KIF11: variants seen among roughly 807,000 people sequenced by gnomAD.
The protein encoded by KIF11 is kinesin family member 11.
Under a neutral mutation model 121.0 loss-of-function variants are expected in KIF11, and 9 were observed. The ratio of observed to expected loss-of-function variants is 0.07; its 90% CI spans 0.04 to 0.13. The LOEUF (loss-of-function observed/expected upper bound fraction) is 0.13, where lower values mean the gene tolerates loss of function less well. Ranked by LOEUF, KIF11 falls within the 10% of genes least tolerant of loss-of-function variation. The probability of loss-of-function intolerance (pLI) is 1.00; values close to 1 mark genes in which losing one functional copy is unlikely to be tolerated. For missense variants in KIF11, 846 were observed against 1,217.5 expected (o/e 0.69, Z 4.54); for synonymous variants, 408 against 421.0 (o/e 0.97, Z 0.38).
Position 92,609,124 on chromosome 10 carries a change from T to C in KIF11, c.492T>C (p.Tyr164=), listed in dbSNP as rs1564705107. The change falls in exon 5 of 22, where the codon TAT becomes TAC. Residue 164 remains tyrosine, a synonymous_variant. Coordinates refer to ENST00000260731, the MANE Select transcript of KIF11 (RefSeq NM_004523.4). ...TCAAAGTGTCTCTGTTGGAGATCTA[T>C]AATGAAGAGCTTTTTGATCTTCTTA... The part of the protein sequence containing the change: ...FSVKVSLLEI[Y]NEELFDLLNP... The C allele has an allele frequency of 6.2e-7, 1 of 1,607,146 alleles. No homozygotes were observed. The highest frequency in any genetic ancestry group is 8.5e-7 in the Non-Finnish European group (1 of 1,176,338).
At chr10:92,638,970 A>G (rs1844836657) in intron 16 of KIF11, among the ~76,000 whole-genome samples, 1 of 152,216 alleles carries the variant, frequency 6.6e-6, no homozygotes, top group South Asian at 2.1e-4. Flanking sequence ...GTAGCATGTT[A>G]TATGCCTATA....
chr10:92,612,707 A>C (rs1486055706), intron 6 of KIF11, among the ~76,000 whole-genome samples: 3 of 152,196 alleles, frequency 2.0e-5, no homozygotes, highest in Non-Finnish European at 4.4e-5. Context: ...GGTTCTTATG[A>C]ATAGAAGATG....
In KIF11 at chr10:92,653,776, C is replaced by G; in HGVS notation, c.3151C>G (p.Arg1051Gly). 6.2e-7 allele frequency: 1 copy of G among 1,613,350 alleles called. No individual in the cohort carries two copies. The highest frequency in any genetic ancestry group is 8.5e-7 in the Non-Finnish European group (1 of 1,179,728). ...GGTTACAAAGAGCAGATTACCTCTG[C>G]GAGCCCAGATCAACCTTTAATTCAC... ...HLVTKSRLPL[R>G]AQINL The change falls in exon 22 of 22, where the codon CGA becomes GGA. Residue 1051 changes from arginine to glycine, a missense_variant. Coordinates refer to ENST00000260731, the MANE Select transcript of KIF11 (RefSeq NM_004523.4).
chr10:92,648,625 T>C (rs962418979), intron 19 of KIF11, among the ~76,000 whole-genome samples, 191 bp downstream of exon 19: 9 of 152,208 alleles, frequency 5.9e-5, no homozygotes, highest in African/African-American at 2.2e-4. Context: ...ACAGGTGGTA[T>C]CACAATTCAG....
chr10:92,598,117 GT>G (rs1444960128), intron 1 of KIF11, among the ~76,000 whole-genome samples: 2 of 152,092 alleles, frequency 1.3e-5, no homozygotes, highest in Non-Finnish European at 2.9e-5. Flanking sequence ...AGTCCAGTTT[GT>G]CTTTTTGTTT....
intron 11 of KIF11, 131 bp from the exon 12 acceptor site, chr10:92,630,043 CAT>C (rs1345214792): frequency 1.8e-6 from 1 of 556,180 alleles, no homozygotes; most frequent in South Asian, 2.6e-5. Flanking sequence ...AACAGGATGA[CAT>C]ATTTGTGTTA....
At chr10:92,600,263 A>G (rs1020120726) in intron 1 of KIF11, among the ~76,000 whole-genome samples, 1 of 152,054 alleles carries the variant, frequency 6.6e-6, no homozygotes, top group Non-Finnish European at 1.5e-5. Flanking sequence ...TCGGCCTCCC[A>G]AAGTGTTGGG....
At chr10:92,640,499 T>G (rs964925422) in intron 17 of KIF11, among the ~76,000 whole-genome samples, 1 of 152,238 alleles carries the variant, frequency 6.6e-6, no homozygotes, top group African/African-American at 2.4e-5. Context: ...TGGAGTGATC[T>G]CAGCTCACTG....
At chr10:92,637,053 AGAATGG>A (rs1844811147) in intron 14 of KIF11, 125 bp from the exon 15 acceptor site, 1 of 659,206 alleles carries the variant, frequency 1.5e-6, no homozygotes, top group Non-Finnish European at 2.3e-6. Flanking sequence ...AAAAAAAAAA[AGAATGG>A]AGAATGGAAA....
At chr10:92,648,860 G>A (rs1844949805) in intron 19 of KIF11, among the ~76,000 whole-genome samples, 1 of 152,130 alleles carries the variant, frequency 6.6e-6, no homozygotes, top group African/African-American at 2.4e-5. Flanking sequence ...CCTGTTTTAA[G>A]AGATCAGGGA....
At chr10:92,636,758 C>T (rs949092523) in intron 14 of KIF11, among the ~76,000 whole-genome samples, 2 of 151,320 alleles carry the variant, frequency 1.3e-5, no homozygotes, top group African/African-American at 4.9e-5. Flanking sequence ...TGGGGCCGGG[C>T]GCGGTGGCTC....
intron 12 of KIF11, among the ~76,000 whole-genome samples, chr10:92,631,487 G>A (rs1350780479): frequency 2.1e-5 from 3 of 145,886 alleles, no homozygotes; most frequent in East Asian, 2.1e-4. Context: ...TCAGCCTCCC[G>A]AGTAGCTGGG....
chr10:92,616,281 T>C (rs975110421), intron 8 of KIF11, among the ~76,000 whole-genome samples: 1 of 151,584 alleles, frequency 6.6e-6, no homozygotes, highest in Non-Finnish European at 1.5e-5. Flanking sequence ...CACTGTAACC[T>C]CAACCTCCTG....
rs573124430 is a variant in KIF11 at position 92,655,357 on chromosome 10, C to T, written c.*1561C>T. The T allele has an allele frequency of 9.2e-5, 14 of 152,304 alleles. No individual in the cohort carries two copies. The South Asian group carries it at 1.7e-3, about 18-fold the overall frequency. The allele number at this position is 152,304 out of a possible 1,614,324, so 9.4% of individuals were successfully genotyped here. A position where few individuals can be genotyped will look rare whatever the true frequency, so the allele number is the denominator to read the frequency against. On this transcript the variant is annotated 3_prime_UTR_variant, in exon 22 of 22. Coordinates refer to ENST00000260731, the MANE Select transcript of KIF11 (RefSeq NM_004523.4). Reference sequence around the variant, plus strand: ...TGGATAATACCTAATAAACTGCCCTCAGTAAATCCATGGTTAATAAATGTG... The same window carrying T: ...TGGATAATACCTAATAAACTGCCCTTAGTAAATCCATGGTTAATAAATGTG...
intron 9 of KIF11, among the ~76,000 whole-genome samples, chr10:92,620,078 CTTTTTTTTTT>C (rs1270524883): frequency 8.0e-6 from 1 of 125,494 alleles, no homozygotes; most frequent in Non-Finnish European, 1.7e-5. Context: ...GGTTCTTTGT[CTTTTTTTTTT>C]TTTTTTTTTT....
rs1589610522 is a variant in KIF11, at chr10:92,653,721, G to A, written c.3096G>A (p.Arg1032=). The change falls in exon 22 of 22, where the codon AGG becomes AGA. Residue 1032 remains arginine (R), a synonymous_variant. Transcript: ENST00000260731. ...ACAGAGGCATTAACACACTGGAGAG[G>A]TCTAAAGTGGAAGAAACTACAGAGC... ...KENRGINTLE[R]SKVEETTEHL... is the part of the protein sequence containing the mutation. 6.2e-7 allele frequency: 1 copy of A among 1,612,666 alleles called. No homozygotes were observed. Among genetic ancestry groups the A allele is most frequent in the African/African-American group, 1.3e-5 (1 of 74,860 alleles).
At chr10:92,626,666 A>G (rs1844680706) in intron 10 of KIF11, among the ~76,000 whole-genome samples, 1 of 152,240 alleles carries the variant, frequency 6.6e-6, no homozygotes, top group African/African-American at 2.4e-5. Flanking sequence ...TCCATACAGT[A>G]ACAATGTTGT....
chr10:92,646,893 T>C (rs1844926309), intron 18 of KIF11, among the ~76,000 whole-genome samples: 1 of 152,188 alleles, frequency 6.6e-6, no homozygotes, highest in African/African-American at 2.4e-5. Flanking sequence ...TTCATTAGAC[T>C]CTAAGCTAAT....
rs1401324765 is a variant in KIF11, at chr10:92,653,884, TA to T, written c.*92del. The T allele has an allele frequency of 2.5e-6, 3 of 1,214,066 alleles. No homozygotes were observed. The highest frequency in any genetic ancestry group is 3.5e-6 in the Non-Finnish European group (3 of 864,086). 75.2% of individuals were successfully genotyped at this position (1,214,066 alleles called of 1,614,324 possible). A position where few individuals can be genotyped will look rare whatever the true frequency, so the allele number is the denominator to read the frequency against. ...GAACTTGAGCCTTGTGTATAGATTT[TA>T]AAAGAATATATATATCAGCCGGGCG... On this transcript the variant is annotated 3_prime_UTR_variant, in exon 22 of 22. Coordinates refer to ENST00000260731, the MANE Select transcript of KIF11 (RefSeq NM_004523.4).
Sources: allele counts gnomAD v4.1 joint callset (sites outside exome capture counted in the v4.1 genomes callset), GRCh38; gene constraint gnomAD v4.1.1; transcripts MANE v1.5; gene names NCBI Gene and HGNC (gene_info 2026-07-23, HGNC 2026-07-21).